Variants in GAS7 observed in about 807,000 individuals in gnomAD.
The protein encoded by GAS7 is growth arrest specific 7, also known as growth arrest-specific protein 7.
Under a neutral mutation model 71.1 loss-of-function variants are expected in GAS7, and 28 were observed. The ratio of observed to expected loss-of-function variants is 0.39; its 90% CI spans 0.29 to 0.54. The LOEUF (loss-of-function observed/expected upper bound fraction) is 0.54, where lower values mean the gene tolerates loss of function less well. Ranked by LOEUF, GAS7 falls within the 20% of genes least tolerant of loss-of-function variation. The pLI is 0.62. For synonymous variants in GAS7, 258 were observed against 245.8 expected, an observed-to-expected ratio of 1.05 and a Z score of -0.46; for missense variants, 436 against 627.8, an observed-to-expected ratio of 0.69 and a Z score of 3.27.
chr17:9,972,623 G>C (rs2070016633), intron 3 of GAS7, among the ~76,000 whole-genome samples: 1 of 119,650 alleles, frequency 8.4e-6, no homozygotes, highest in South Asian at 2.9e-4. Flanking sequence ...AGGAAGCCCT[G>C]GAACATGTAA....
At chr17:9,978,235 A>G (rs1369074323) in intron 3 of GAS7, among the ~76,000 whole-genome samples, 1 of 151,606 alleles carries the variant, frequency 6.6e-6, no homozygotes, top group Admixed American at 6.6e-5. Context: ...ATAATCCAAA[A>G]GCATGCATGG....
At chr17:10,009,318 CA>C (rs541133967) in intron 2 of GAS7, among the ~76,000 whole-genome samples, 175 of 78,528 alleles carry the variant, frequency 2.2e-3, no homozygotes, top group Middle Eastern at 8.8e-3. Context: ...GAGACTCCGT[CA>C]AAAAAAAAAA....
chr17:9,925,986 C>T (rs980019086), intron 10 of GAS7, among the ~76,000 whole-genome samples: 14 of 152,112 alleles, frequency 9.2e-5, no homozygotes, highest in African/African-American at 3.4e-4. Flanking sequence ...CAACAGCCCT[C>T]CCGTTCTGGA....
At chr17:9,931,826 TCCAAC>T (rs1409467734) in intron 9 of GAS7, among the ~76,000 whole-genome samples, 1 of 152,208 alleles carries the variant, frequency 6.6e-6, no homozygotes, top group Non-Finnish European at 1.5e-5. Context: ...TGTTCCCTCT[TCCAAC>T]CCAGCTCTTT....
At chr17:10,186,937 A>G (rs924900896) in intron 1 of GAS7, among the ~76,000 whole-genome samples, 4 of 152,198 alleles carry the variant, frequency 2.6e-5, no homozygotes, top group African/African-American at 9.6e-5. Context: ...ATTCAGTCTG[A>G]GAAGCACTGC....
At chr17:10,028,742 A>G (rs1451104992) in intron 1 of GAS7, among the ~76,000 whole-genome samples, 1 of 152,226 alleles carries the variant, frequency 6.6e-6, no homozygotes, top group Non-Finnish European at 1.5e-5. Flanking sequence ...ATTATAGGGA[A>G]GTTTGAAAGG....
intron 1 of GAS7, among the ~76,000 whole-genome samples, chr17:10,191,616 C>T (rs1454762871): frequency 6.7e-6 from 1 of 148,806 alleles, no homozygotes; most frequent in Non-Finnish European, 1.5e-5. Flanking sequence ...GTGGCTCACG[C>T]CTGTAATCCC....
chr17:10,166,226 G>A (rs570364522), intron 1 of GAS7, among the ~76,000 whole-genome samples: 19 of 152,116 alleles, frequency 1.2e-4, no homozygotes, highest in African/African-American at 2.9e-4. Flanking sequence ...GTCTCACTAC[G>A]TTGCCCAGGC....
chr17:10,121,427 C>T (rs1000815843), intron 1 of GAS7, among the ~76,000 whole-genome samples: 3 of 152,068 alleles, frequency 2.0e-5, no homozygotes, highest in Non-Finnish European at 4.4e-5. Context: ...AACTTGGGCT[C>T]TGGAGAGAGA....
intron 1 of GAS7, among the ~76,000 whole-genome samples, chr17:10,197,973 A>C (rs894113049): frequency 6.6e-6 from 1 of 152,182 alleles, no homozygotes. Context: ...TGTGCTCCGG[A>C]GGCCCGGCGC....
Position 9,969,892 on chromosome 17 carries a change from C to G in GAS7, c.386-130G>C, listed in dbSNP as rs2069888578. The G allele has an allele frequency of 4.6e-6, 3 of 651,742 alleles. No homozygotes were observed. The highest frequency in any genetic ancestry group is 2.8e-6 in the Non-Finnish European group (1 of 356,486). The allele number at this position is 651,742 out of a possible 1,614,324, so 40.4% of individuals were successfully genotyped here. A position where few individuals can be genotyped will look rare whatever the true frequency, so the allele number is the denominator to read the frequency against. On this transcript the variant is annotated intron_variant, in intron 3 of 13. Coordinates refer to ENST00000432992, the MANE Select transcript of GAS7 (RefSeq NM_201433.2). This position sits in a 1 kb window ranked among gnomAD's most constrained non-coding sequence, Gnocchi z 5.5. ...GAGGTCTTGCGTGGCGAAGACCATC[C>G]CTCAGGATCTGATCTTATCTGTATC... is the stretch of plus-strand genomic sequence containing the variant.
At chr17:9,924,019 A>G (rs1018100375) in intron 11 of GAS7, among the ~76,000 whole-genome samples, 1 of 152,266 alleles carries the variant, frequency 6.6e-6, no homozygotes, top group Non-Finnish European at 1.5e-5. Context: ...GATATATTAA[A>G]TAAGTTCAGA....
At chr17:10,032,442 G>C (rs1384717235) in intron 1 of GAS7, among the ~76,000 whole-genome samples, 1 of 152,180 alleles carries the variant, frequency 6.6e-6, no homozygotes, top group Non-Finnish European at 1.5e-5. Flanking sequence ...AGCATTAGGA[G>C]ACAGCACAAA....
chr17:10,117,802 A>G (rs2142073287), intron 1 of GAS7, among the ~76,000 whole-genome samples: 1 of 152,298 alleles, frequency 6.6e-6, no homozygotes, highest in African/African-American at 2.4e-5. Flanking sequence ...GCTCAGTCCA[A>G]GGCTACAGTG....
chr17:10,046,785 A>AAAGAAAGG (rs2072968986), intron 1 of GAS7, among the ~76,000 whole-genome samples: 5 of 68,808 alleles, frequency 7.3e-5, no homozygotes, highest in South Asian at 5.5e-4. Flanking sequence ...AGAAAGAAAG[A>AAAGAAAGG]AAGGAAGGAA....
At chr17:10,125,858 A>T (rs1219505486) in intron 1 of GAS7, among the ~76,000 whole-genome samples, 1 of 152,162 alleles carries the variant, frequency 6.6e-6, no homozygotes, top group Non-Finnish European at 1.5e-5. Context: ...TGTTATTTAT[A>T]TAAACACTTC....
rs1025630733 is a variant in GAS7, at chr17:10,033,021, G to A, written c.184-13124C>T. Reference sequence around the variant, plus strand: ...CCCCTTTGCCACAGGTCCCTGTTACGGCCAATTAATGCTGAAACGTCCCTA... The same window carrying A: ...CCCCTTTGCCACAGGTCCCTGTTACAGCCAATTAATGCTGAAACGTCCCTA... On this transcript the variant is annotated intron_variant, in intron 1 of 13. Transcript: ENST00000432992. 3.9e-5 allele frequency among the ~76,000 whole-genome samples: 6 copies of A among 152,144 alleles called. 1 individual carries two copies. The South Asian group carries it at 1.2e-3, about 31-fold the overall frequency.
At chr17:10,031,435 A>G (rs2072614826) in intron 1 of GAS7, among the ~76,000 whole-genome samples, 1 of 152,214 alleles carries the variant, frequency 6.6e-6, no homozygotes. Flanking sequence ...CGGGGGGACA[A>G]GGATTGATGA....
chr17:9,953,260 G>A (rs1393925022), intron 5 of GAS7, among the ~76,000 whole-genome samples: 5 of 152,066 alleles, frequency 3.3e-5, no homozygotes, highest in African/African-American at 9.7e-5. Context: ...AACAGGTTGG[G>A]GCAGAAGAGT....
Sources: gnomAD v4.1 joint callset for allele counts (sites outside exome capture counted in the v4.1 genomes callset) on GRCh38, gnomAD v4.1.1 for gene constraint, Gnocchi (gnomAD v3.1) non-coding constraint, MANE v1.5 for transcripts, NCBI Gene and HGNC (gene_info 2026-07-23, HGNC 2026-07-21) for gene names.